The following CAMTA1 variants were observed in gnomAD, a reference collection of about 807,000 sequenced individuals.
CAMTA1 encodes calmodulin binding transcription activator 1, also known as calmodulin-binding transcription activator 1.
In CAMTA1, 27 loss-of-function variants were observed where a neutral mutation model predicts 170.9. The observed-to-expected ratio is 0.16, with a 90% CI of 0.12 to 0.22. CAMTA1 has a LOEUF of 0.22. Among genes scored for constraint, CAMTA1 ranks in the 10% least tolerant of loss-of-function variants. CAMTA1 has a pLI of 1.00. For missense variants in CAMTA1, 1,619 were observed against 2,217.2 expected (o/e 0.73, Z 5.42); for synonymous variants, 833 against 891.5 (o/e 0.93, Z 1.17).
At chr1:7,453,786 C>T (rs938089442) in intron 5 of CAMTA1, among the ~76,000 whole-genome samples, 4 of 152,246 alleles carry the variant, frequency 2.6e-5, no homozygotes, top group African/African-American at 7.2e-5. Flanking sequence ...GACAAAAGAC[C>T]CCCCTGAGGG....
intron 4 of CAMTA1, among the ~76,000 whole-genome samples, chr1:7,232,369 CT>C (rs370172270): frequency 2.8e-4 from 43 of 152,378 alleles, no homozygotes; most frequent in African/African-American, 1.0e-3. Context: ...CCCAGTTGTC[CT>C]GTTTGCTTTG....
intron 4 of CAMTA1, among the ~76,000 whole-genome samples, chr1:7,177,092 C>G (rs1466063277): frequency 1.3e-5 from 2 of 151,906 alleles, no homozygotes; most frequent in African/African-American, 4.8e-5. Context: ...CACAGAGGCC[C>G]CTCCCACACA....
intron 6 of CAMTA1, among the ~76,000 whole-genome samples, chr1:7,627,993 T>C (rs1304229300): frequency 6.6e-6 from 1 of 152,122 alleles, no homozygotes; most frequent in African/African-American, 2.4e-5. Context: ...GATCATTTTT[T>C]AGGAACTAAG....
At chr1:7,752,683 T>G in intron 21 of CAMTA1, 150 bp downstream of exon 21, 1 of 605,760 alleles carries the variant, frequency 1.7e-6, no homozygotes, top group Non-Finnish European at 2.8e-6. Context: ...GTAGAGCTCT[T>G]TAACTAGGGA....
intron 4 of CAMTA1, among the ~76,000 whole-genome samples, chr1:7,212,037 A>G (rs1057278590): frequency 6.6e-6 from 1 of 152,222 alleles, no homozygotes; most frequent in African/African-American, 2.4e-5. Flanking sequence ...ATATAAAATA[A>G]TGAAATAAGA....
At chr1:7,322,618 G>A (rs1306611398) in intron 5 of CAMTA1, among the ~76,000 whole-genome samples, 4 of 152,200 alleles carry the variant, frequency 2.6e-5, no homozygotes, top group African/African-American at 9.7e-5. Flanking sequence ...TTCTTTTTGA[G>A]TCACACTTGG....
At chr1:6,808,208 C>G (rs147139330) in intron 1 of CAMTA1, among the ~76,000 whole-genome samples, 21 of 151,560 alleles carry the variant, frequency 1.4e-4, no homozygotes, top group Admixed American at 2.0e-4. Flanking sequence ...ATTCTCTGCT[C>G]AGGAGAGGCT....
chr1:7,768,426 T>A lies in CAMTA1; in HGVS notation c.*1935T>A, dbSNP rs1372142168. ...GATCAGTTGGTGTAAAGCTGAGATG[T>A]TTTTTCTTGGTTCTGGCTGCCAACT... is the stretch of plus-strand genomic sequence containing the variant. On this transcript the variant is annotated 3_prime_UTR_variant, in exon 23 of 23. Transcript: ENST00000303635. 3 of 152,758 alleles carry A rather than the reference T, an allele frequency of 2.0e-5. No individual in the cohort carries two copies. Among genetic ancestry groups the A allele is most frequent in the Non-Finnish European group, 4.4e-5 (3 of 68,022 alleles). The allele number at this position is 152,758 out of a possible 1,614,324, so 9.5% of individuals were successfully genotyped here. A position where few individuals can be genotyped will look rare whatever the true frequency, so the allele number is the denominator to read the frequency against.
At chr1:7,322,467 G>T (rs948826530) in intron 5 of CAMTA1, among the ~76,000 whole-genome samples, 1 of 152,224 alleles carries the variant, frequency 6.6e-6, no homozygotes, top group South Asian at 2.1e-4. Flanking sequence ...AATGCGTGTG[G>T]CTATGTTCTA....
At chr1:7,447,742 CT>C (rs2092716167) in intron 5 of CAMTA1, among the ~76,000 whole-genome samples, 1 of 152,198 alleles carries the variant, frequency 6.6e-6, no homozygotes, top group South Asian at 2.1e-4. Context: ...CCTCCCCAGC[CT>C]GAATGCAGCC....
intron 1 of CAMTA1, among the ~76,000 whole-genome samples, chr1:6,793,663 CTTATA>C (rs1386048800): frequency 2.6e-4 from 39 of 152,158 alleles, no homozygotes; most frequent in African/African-American, 9.4e-4. Context: ...GTATTTGTGT[CTTATA>C]TTAGAATGAA....
intron 3 of CAMTA1, among the ~76,000 whole-genome samples, chr1:7,076,082 C>A (rs570212704): frequency 6.6e-6 from 1 of 152,290 alleles, no homozygotes; most frequent in East Asian, 1.9e-4. Context: ...TGACCCAGAT[C>A]TCCAGGGAAT....
intron 5 of CAMTA1, among the ~76,000 whole-genome samples, chr1:7,386,347 C>A (rs371378854): frequency 6.6e-6 from 1 of 152,170 alleles, no homozygotes; most frequent in East Asian, 1.9e-4. Context: ...AGCTGTACAG[C>A]GAGAGAGAGA....
chr1:7,667,321 G>A (rs545465896), intron 9 of CAMTA1, among the ~76,000 whole-genome samples: 2 of 152,270 alleles, frequency 1.3e-5, no homozygotes, highest in African/African-American at 4.8e-5. Flanking sequence ...TTAAGAAAGC[G>A]ATGCAAAGGG....
intron 3 of CAMTA1, chr1:6,834,562 G>A: frequency 9.3e-6 from 2 of 215,944 alleles, no homozygotes; most frequent in South Asian, 7.9e-5. Context: ...CGCCACAGCG[G>A]TGGCACAATG....
intron 22 of CAMTA1, among the ~76,000 whole-genome samples, chr1:7,759,258 G>A (rs1466632909): frequency 6.6e-6 from 1 of 152,218 alleles, no homozygotes; most frequent in Non-Finnish European, 1.5e-5. Flanking sequence ...CTACGTCAGT[G>A]GAGCAGGGGG....
intron 19 of CAMTA1, among the ~76,000 whole-genome samples, chr1:7,750,216 A>G (rs1265109543): frequency 6.6e-6 from 1 of 152,226 alleles, no homozygotes; most frequent in Non-Finnish European, 1.5e-5. Flanking sequence ...CAGGTCAGAT[A>G]AGACCAAAGA....
intron 6 of CAMTA1, among the ~76,000 whole-genome samples, chr1:7,529,767 T>A (rs2094470458): frequency 6.6e-6 from 1 of 152,178 alleles, no homozygotes; most frequent in South Asian, 2.1e-4. Flanking sequence ...CACTCCCTTA[T>A]AAAGATGTGG....
intron 3 of CAMTA1, among the ~76,000 whole-genome samples, chr1:6,881,177 A>G (rs1671467857): frequency 6.6e-6 from 1 of 152,174 alleles, no homozygotes. Context: ...TCACTGTGGT[A>G]TTTTGTTTCT....
Sources: gnomAD v4.1 joint callset for allele counts (sites outside exome capture counted in the v4.1 genomes callset) on GRCh38, gnomAD v4.1.1 for gene constraint, MANE v1.5 for transcripts, NCBI Gene and HGNC (gene_info 2026-07-23, HGNC 2026-07-21) for gene names.